Variants in SHANK2 observed in about 807,000 individuals in gnomAD.
SHANK2 encodes the protein SH3 and multiple ankyrin repeat domains protein 2.
Under a neutral mutation model 133.7 loss-of-function variants are expected in SHANK2, and 43 were observed. That is an observed-to-expected ratio of 0.32 (90% CI 0.25 to 0.41). SHANK2 has a LOEUF of 0.41. SHANK2 is among the 10% of genes least tolerant of loss of function. The pLI is 1.00. For synonymous variants in SHANK2, 1,017 were observed against 952.8 expected (o/e 1.07, Z -1.24); for missense variants, 1,994 against 2,235.8 (o/e 0.89, Z 2.18).
chr11:70,793,545 A>G (rs1473991390), intron 14 of SHANK2, among the ~76,000 whole-genome samples: 5 of 152,244 alleles, frequency 3.3e-5, no homozygotes, highest in Admixed American at 3.3e-4. Flanking sequence ...CAAAGACTTA[A>G]AGAAGCTATA....
rs892900142 is a variant in SHANK2, at chr11:70,945,577, G to A, written c.1108-49010C>T. On this transcript the variant is annotated intron_variant, in intron 10 of 25. Coordinates refer to ENST00000601538, the MANE Select transcript of SHANK2 (RefSeq NM_012309.5). ...TTCACACAACGGAGCCCAGGGTTGT[G>A]TGCCTGCCAGGCCTTCAGCATCACT... 2.0e-5 allele frequency among the ~76,000 whole-genome samples: 3 copies of A among 152,186 alleles called. No homozygotes were observed. In the South Asian group the frequency reaches 6.2e-4, roughly 32 times the overall value.
intron 2 of SHANK2, among the ~76,000 whole-genome samples, chr11:71,182,473 C>T (rs1449005353): frequency 6.6e-6 from 1 of 152,186 alleles, no homozygotes; most frequent in Non-Finnish European, 1.5e-5. Context: ...CCTTCTGAGG[C>T]TGTGAGGAGG....
intron 9 of SHANK2, among the ~76,000 whole-genome samples, chr11:71,059,809 G>A (rs978039044): frequency 3.7e-4 from 57 of 152,296 alleles, no homozygotes; most frequent in African/African-American, 1.3e-3. Context: ...CTGGGGCCTC[G>A]GTGACTGTGG....
intron 2 of SHANK2, among the ~76,000 whole-genome samples, chr11:71,218,792 C>A (rs112252212): frequency 6.6e-6 from 1 of 152,184 alleles, no homozygotes; most frequent in African/African-American, 2.4e-5. Flanking sequence ...CAGCACTGGG[C>A]GTAACTAACT....
chr11:70,742,991 C>A (rs544478607), intron 14 of SHANK2, among the ~76,000 whole-genome samples: 43 of 152,328 alleles, frequency 2.8e-4, no homozygotes, highest in African/African-American at 1.0e-3. Context: ...GCAGAAGCTT[C>A]GTGCATATTT....
At chr11:70,565,326 C>T in intron 17 of SHANK2, among the ~76,000 whole-genome samples, 1 of 152,224 alleles carries the variant, frequency 6.6e-6, no homozygotes, top group African/African-American at 2.4e-5. Context: ...CTCACCGCAA[C>T]CTCCGCCTCC....
chr11:70,621,402 A>G (rs2136454464), intron 17 of SHANK2, among the ~76,000 whole-genome samples: 1 of 152,320 alleles, frequency 6.6e-6, no homozygotes, highest in East Asian at 1.9e-4. Flanking sequence ...CTGCATGGCT[A>G]TTGCTTATGC....
At chr11:70,905,545 G>A (rs79906916) in intron 10 of SHANK2, among the ~76,000 whole-genome samples, 2,010 of 152,276 alleles carry the variant, frequency 0.013, 43 homozygotes, top group African/African-American at 0.045. Flanking sequence ...CCAGTGTGAG[G>A]GTGTTAGGAG....
chr11:70,485,976 C>T lies in SHANK2; in HGVS notation c.4317G>A (p.Lys1439=). The change falls in exon 25 of 26, where the codon AAG becomes AAA. Residue 1439 remains lysine (K), a synonymous_variant. Coordinates refer to ENST00000601538, the MANE Select transcript of SHANK2 (RefSeq NM_012309.5). This position sits in a 1 kb window ranked among gnomAD's most constrained non-coding sequence, Gnocchi z 5.8. The part of the protein sequence containing the change: ...ASVPALSDLV[K]QKKSDTPQSP... ...ACTGAGGGGTGTCGCTTTTCTTCTG[C>T]TTCACTAAGTCTGAGAGAGCCGGGA... 6.2e-7 allele frequency: 1 copy of T among 1,613,936 alleles called. No individual in the cohort carries two copies.
intron 6 of SHANK2, among the ~76,000 whole-genome samples, chr11:71,100,046 CA>C (rs55637618): frequency 0.42 from 42,528 of 100,594 alleles, 6,393 homozygotes; most frequent in African/African-American, 0.5. Context: ...AAGACCATGT[CA>C]AAAAAAAAAA....
At chr11:70,526,620 T>A (rs1554972168) in intron 17 of SHANK2, among the ~76,000 whole-genome samples, 1 of 152,214 alleles carries the variant, frequency 6.6e-6, no homozygotes. Flanking sequence ...CCCACTCCCC[T>A]GAAGTGCCTG....
chr11:70,508,283 C>T (rs545128015), intron 17 of SHANK2, among the ~76,000 whole-genome samples: 11 of 152,334 alleles, frequency 7.2e-5, no homozygotes, highest in African/African-American at 2.2e-4. Context: ...CCCAACCTTC[C>T]GCCCACACTG....
intron 11 of SHANK2, among the ~76,000 whole-genome samples, chr11:70,839,107 T>G (rs1044156393): frequency 6.6e-6 from 1 of 152,228 alleles, no homozygotes; most frequent in Non-Finnish European, 1.5e-5. Context: ...AAAGCAGAAG[T>G]CATGGGCTCA....
chr11:70,713,418 G>A (rs575242613), intron 14 of SHANK2, among the ~76,000 whole-genome samples: 2 of 152,360 alleles, frequency 1.3e-5, no homozygotes, highest in South Asian at 2.1e-4. Flanking sequence ...TTTGCCAAGC[G>A]TAGCTGTGTC....
chr11:71,171,883 T>C (rs1953320738), intron 2 of SHANK2, among the ~76,000 whole-genome samples: 1 of 152,146 alleles, frequency 6.6e-6, no homozygotes, highest in South Asian at 2.1e-4. Flanking sequence ...CAAAGACAGT[T>C]GCGATGGGGG....
chr11:70,898,453 A>C (rs554338755), intron 10 of SHANK2, among the ~76,000 whole-genome samples: 27 of 152,248 alleles, frequency 1.8e-4, no homozygotes, highest in Non-Finnish European at 3.7e-4. Context: ...GGTGCATGCT[A>C]GAAATATGAA....
At chr11:71,112,832 CA>C (rs1951911605) in intron 5 of SHANK2, among the ~76,000 whole-genome samples, 1 of 152,182 alleles carries the variant, frequency 6.6e-6, no homozygotes, top group Admixed American at 6.5e-5. Flanking sequence ...TGCATTCCGC[CA>C]GGTTCTGAAC....
At chr11:70,951,083 A>G (rs2135893956) in intron 10 of SHANK2, 1 of 267,468 alleles carries the variant, frequency 3.7e-6, no homozygotes, top group Non-Finnish European at 7.3e-6. Flanking sequence ...AGTAGAGAGG[A>G]GTTGCATTCA....
intron 10 of SHANK2, among the ~76,000 whole-genome samples, chr11:70,907,185 G>C (rs1251036187): frequency 6.6e-6 from 1 of 152,238 alleles, no homozygotes; most frequent in Non-Finnish European, 1.5e-5. Flanking sequence ...GACCCAGTGA[G>C]CCTCCCAGGT....
Sources: gnomAD v4.1 joint callset for allele counts (sites outside exome capture counted in the v4.1 genomes callset) on GRCh38, gnomAD v4.1.1 for gene constraint, Gnocchi (gnomAD v3.1) non-coding constraint, MANE v1.5 for transcripts, NCBI Gene and HGNC (gene_info 2026-07-23, HGNC 2026-07-21) for gene names.